The following MCUR1 variants were observed in gnomAD, a reference collection of about 807,000 sequenced individuals.
MCUR1 encodes the protein MCU regulator 1.
A neutral mutation model predicts 42.0 loss-of-function variants in MCUR1; 37 were observed. That is an observed-to-expected ratio of 0.88 (90% CI 0.68 to 1.16). The LOEUF is 1.16. Ranked by LOEUF, MCUR1 falls within the 50% of genes most tolerant of loss-of-function variation. The pLI is 0.00. For missense variants in MCUR1, 469 were observed against 468.4 expected (o/e 1.00, Z -0.01); for synonymous variants, 229 against 196.2 (o/e 1.17, Z -1.40).
At chr6:13,801,079 C>T (rs959064336) in intron 4 of MCUR1, among the ~76,000 whole-genome samples, 4 of 152,180 alleles carry the variant, frequency 2.6e-5, no homozygotes, top group African/African-American at 9.7e-5. Flanking sequence ...TCAGCCAGGA[C>T]AGCGTTTCCT....
At position 13,790,138 on chromosome 6, in the gene MCUR1, A is replaced by G. The variant is rs1713223527; in HGVS notation, c.*671T>C. The stretch of plus-strand genomic sequence containing the variant: ...TGATTTTCCAGCACTTATTAAAGCC[A>G]TTGTGCCCTGAACATGGAGACCCCC... On this transcript the variant is annotated 3_prime_UTR_variant, in exon 9 of 9. Coordinates refer to ENST00000379170, the MANE Select transcript of MCUR1 (RefSeq NM_001031713.4). 1 of 152,216 alleles carries G rather than the reference A, an allele frequency of 6.6e-6. No homozygotes were observed. Among genetic ancestry groups the G allele is most frequent in the African/African-American group, 2.4e-5 (1 of 41,460 alleles). 9.4% of individuals were successfully genotyped at this position (152,216 alleles called of 1,614,324 possible).
intron 5 of MCUR1, among the ~76,000 whole-genome samples, chr6:13,799,822 ATTTTC>A (rs1158882678): frequency 1.5e-5 from 2 of 129,150 alleles, no homozygotes; most frequent in African/African-American, 3.0e-5. Flanking sequence ...CTAGAACACA[ATTTTC>A]TTTTTTTTTT....
At chr6:13,792,118 TTA>T in intron 7 of MCUR1, 126 bp from the exon 8 acceptor site, 1 of 684,662 alleles carries the variant, frequency 1.5e-6, no homozygotes, top group Non-Finnish European at 2.5e-6. Context: ...GGCCTGGGCT[TTA>T]GTCTCAGTTC....
intron 3 of MCUR1, among the ~76,000 whole-genome samples, chr6:13,801,865 C>A (rs979362938): frequency 8.6e-5 from 13 of 151,816 alleles, no homozygotes; most frequent in Non-Finnish European, 1.9e-4. Context: ...AAAGACCCCC[C>A]CAAAACACAA....
Position 13,814,458 on chromosome 6 carries a change from C to T in MCUR1, c.-29G>A, listed in dbSNP as rs1197724407. The stretch of plus-strand genomic sequence containing the variant: ...CGAGCAGTTCACTGGCCCGGGCGCG[C>T]GCTCATGCCTCTCGCTTTTGGCGCC... On this transcript the variant is annotated 5_prime_UTR_variant, in exon 1 of 9. Transcript: ENST00000379170. The T allele has an allele frequency of 1.4e-6, 2 of 1,467,806 alleles. No homozygotes were observed. Among genetic ancestry groups the T allele is most frequent in the African/African-American group, 2.9e-5 (2 of 68,094 alleles). The allele number at this position is 1,467,806 out of a possible 1,614,324, so 90.9% of individuals were successfully genotyped here.
Position 13,791,881 on chromosome 6 carries a change from C to A in MCUR1, c.1021G>T (p.Ala341Ser). Residue 341 changes from alanine (A) to serine (S), a missense_variant, in exon 8 of 9, where the codon GCA becomes TCA. Ala to Ser is a moderately conservative substitution (Grantham distance 99, BLOSUM62 1). Transcript: ENST00000379170. ...AAATAGATACAAAATAGCTTACCTG[C>A]TAAATATTTAATATTATCAAGCTTG... ...SHKLDNIKYL[A>S]GSIFTCLTVA... 1 of 1,606,632 alleles carries A rather than the reference C, an allele frequency of 6.2e-7. No individual in the cohort carries two copies. The highest frequency in any genetic ancestry group is 8.5e-7 in the Non-Finnish European group (1 of 1,174,508).
At chr6:13,799,621 T>C (rs1195211563) in intron 5 of MCUR1, among the ~76,000 whole-genome samples, 3 of 152,236 alleles carry the variant, frequency 2.0e-5, no homozygotes, top group African/African-American at 7.2e-5. Flanking sequence ...ATAGAGCCTT[T>C]TCTCTGATAC....
Position 13,814,520 on chromosome 6 carries a change from G to A in MCUR1, c.-91C>T. The A allele has an allele frequency of 7.6e-7, 1 of 1,311,532 alleles. No homozygotes were observed. The highest frequency in any genetic ancestry group is 9.7e-7 in the Non-Finnish European group (1 of 1,027,092). 81.2% of individuals were successfully genotyped at this position (1,311,532 alleles called of 1,614,324 possible). Reference sequence around the variant, plus strand: ...GTCCAGGCCCAGAGTCCGACAGCGGGAGCGAGCGTGGGCCACAGCGCAGGA... The same window carrying A: ...GTCCAGGCCCAGAGTCCGACAGCGGAAGCGAGCGTGGGCCACAGCGCAGGA... On this transcript the variant is annotated 5_prime_UTR_variant, in exon 1 of 9. Transcript: ENST00000379170.
chr6:13,794,912 C>T (rs1759822295), intron 6 of MCUR1, among the ~76,000 whole-genome samples: 1 of 152,118 alleles, frequency 6.6e-6, no homozygotes, highest in African/African-American at 2.4e-5. Context: ...AGATTTAGTG[C>T]AGTTTTGTAG....
At chr6:13,796,701 C>T (rs1357726118) in intron 6 of MCUR1, among the ~76,000 whole-genome samples, 3 of 152,142 alleles carry the variant, frequency 2.0e-5, no homozygotes, top group Admixed American at 2.0e-4. Context: ...CTAAATGTTA[C>T]ATGATTGAAA....
Position 13,806,984 on chromosome 6 carries a change from G to A in MCUR1, c.476C>T (p.Ser159Phe), listed in dbSNP as rs1362548438. ...GTCGAAGTAGAGTTTCCTGCTCCCA[G>A]AAGAGGTGAAATCTCTCCTTTTGCG... ...LERKRRDFTS[S>F]GSRKLYFDTH... The change falls in exon 2 of 9, where the codon TCT becomes TTT. Residue 159 changes from serine (S) to phenylalanine (F), a missense_variant. Physicochemically the swap from Ser to Phe is radical, Grantham distance 155. Coordinates refer to ENST00000379170, the MANE Select transcript of MCUR1 (RefSeq NM_001031713.4). 2 of 1,613,592 alleles carry A rather than the reference G, an allele frequency of 1.2e-6. No individual in the cohort carries two copies. The highest frequency in any genetic ancestry group is 2.2e-5 in the East Asian group (1 of 44,884).
chr6:13,791,986 G>A lies in MCUR1; in HGVS notation c.916C>T (p.Gln306Ter). The A allele has an allele frequency of 6.2e-7, 1 of 1,613,484 alleles. No homozygotes were observed. Among genetic ancestry groups the A allele is most frequent in the Non-Finnish European group, 8.5e-7 (1 of 1,179,584 alleles). The part of the protein sequence containing the change: ...LRTEIVALHA[Q>*]QDRALTQTDR... ...GTCTGGGTAAGGGCCCGATCTTGCT[G>A]GGCATGCTTTTAAAATGAAGAGAGT... Residue 306 changes from glutamine to a stop codon, truncating the protein, a stop_gained, in exon 8 of 9, where the codon CAG becomes TAG. Transcript: ENST00000379170. LOFTEE classifies it high-confidence loss of function.
At chr6:13,806,780 G>T in intron 2 of MCUR1, 145 bp downstream of exon 2, 1 of 999,476 alleles carries the variant, frequency 1.0e-6, no homozygotes, top group Non-Finnish European at 1.4e-6. Context: ...CAGAGCCAGA[G>T]CCTGTCTCTA....
intron 3 of MCUR1, among the ~76,000 whole-genome samples, 200 bp downstream of exon 3, chr6:13,802,043 A>G (rs1350654355): frequency 4.6e-5 from 7 of 152,228 alleles, no homozygotes; most frequent in South Asian, 2.1e-4. Flanking sequence ...GCTTTCAAGC[A>G]TAACGATTCT....
intron 5 of MCUR1, among the ~76,000 whole-genome samples, chr6:13,799,942 C>T (rs1441382001): frequency 6.6e-6 from 1 of 150,894 alleles, no homozygotes; most frequent in East Asian, 2.0e-4. Context: ...AGTGATTCTC[C>T]TGCCTCAGTC....
intron 7 of MCUR1, among the ~76,000 whole-genome samples, chr6:13,792,660 GT>G (rs1561728904): frequency 1.3e-5 from 2 of 152,154 alleles, no homozygotes; most frequent in Admixed American, 1.3e-4. Flanking sequence ...GCTATAGGGG[GT>G]TGTAGAACTG....
In MCUR1 at chr6:13,814,148, G is replaced by C. The variant is rs1243684415; in HGVS notation, c.282C>G (p.Arg94=). The C allele has an allele frequency of 7.6e-7, 1 of 1,309,104 alleles. No homozygotes were observed. Among genetic ancestry groups the C allele is most frequent in the African/African-American group, 1.5e-5 (1 of 64,558 alleles). The allele number at this position is 1,309,104 out of a possible 1,614,324, so 81.1% of individuals were successfully genotyped here. The change falls in exon 1 of 9, where the codon CGC becomes CGG. Residue 94 remains arginine, a synonymous_variant. Transcript: ENST00000379170. ...APRRQLGDWE[R]SRLGYAAPPA... is the part of the protein sequence containing the mutation. ...GGGGTGCGGCATACCCGAGGCGCGA[G>C]CGCTCCCAGTCCCCGAGCTGCCGGC...
chr6:13,798,767 G>A, intron 6 of MCUR1, 66 bp downstream of exon 6: 1 of 1,246,738 alleles, frequency 8.0e-7, no homozygotes, highest in Non-Finnish European at 1.2e-6. Context: ...ATAAACTTAG[G>A]CTTAACCAAG....
rs375249304 is a variant in MCUR1, at chr6:13,801,316, T to C, written c.713A>G (p.Glu238Gly). 3 of 1,613,048 alleles carry C rather than the reference T, an allele frequency of 1.9e-6. No homozygotes were observed. The African/African-American group carries it at 4.0e-5, about 22-fold the overall frequency. Reference protein sequence around the residue: ...KKDMIILEKSEFSALRAENEK... With the variant: ...KKDMIILEKSGFSALRAENEK... ...ATTTTCTGCTCTGAGGGCTGAAAAT[T>C]CACTCTTCTCCAAAATAATCATATC... Residue 238 changes from glutamate (E) to glycine (G), a missense_variant, in exon 4 of 9, where the codon GAA (glutamate) becomes GGA (glycine). Transcript: ENST00000379170.
Sources: gnomAD v4.1 joint callset for allele counts (sites outside exome capture counted in the v4.1 genomes callset) on GRCh38, gnomAD v4.1.1 for gene constraint, MANE v1.5 for transcripts, NCBI Gene and HGNC (gene_info 2026-07-23, HGNC 2026-07-21) for gene names.